Variants in TSHZ3 observed in about 807,000 individuals in gnomAD.
TSHZ3 encodes the protein teashirt homolog 3.
TSHZ3 carries 10 observed loss-of-function variants against 64.5 expected under a neutral mutation model. That is an observed-to-expected ratio of 0.16 (90% CI 0.10 to 0.26). The LOEUF (loss-of-function observed/expected upper bound fraction) is 0.26, where lower values mean the gene tolerates loss of function less well. TSHZ3 is among the 10% of genes least tolerant of loss of function. TSHZ3 has a pLI of 1.00. For synonymous variants in TSHZ3, 608 were observed against 593.1 expected (o/e 1.03, Z -0.36); for missense variants, 1,242 against 1,421.7 (o/e 0.87, Z 2.03).
chr19:31,319,441 A>G (rs1237128790), intron 1 of TSHZ3, among the ~76,000 whole-genome samples: 1 of 152,228 alleles, frequency 6.6e-6, no homozygotes, highest in Non-Finnish European at 1.5e-5. Context: ...TGAGACACAA[A>G]CAATTAAGCC....
rs1309648251 is a variant in TSHZ3 at position 31,349,316 on chromosome 19, G to A, written c.-97C>T. 4.7e-6 allele frequency: 6 copies of A among 1,276,288 alleles called. No individual in the cohort carries two copies. Among genetic ancestry groups the A allele is most frequent in the Non-Finnish European group, 6.2e-6 (6 of 967,934 alleles). 79.1% of individuals were successfully genotyped at this position (1,276,288 alleles called of 1,614,324 possible). On this transcript the variant is annotated 5_prime_UTR_variant, in exon 1 of 2. Coordinates refer to ENST00000240587, the MANE Select transcript of TSHZ3 (RefSeq NM_020856.4). ...GGCGGGCCCGCGGGGGGGCGAGGCGGGCCTGCTCTCAGCCTCCCCCCCGGA... is the reference window on the plus strand; with the variant it reads ...GGCGGGCCCGCGGGGGGGCGAGGCGAGCCTGCTCTCAGCCTCCCCCCCGGA...
intron 1 of TSHZ3, among the ~76,000 whole-genome samples, chr19:31,339,334 A>G (rs930883881): frequency 6.6e-6 from 1 of 152,058 alleles, no homozygotes; most frequent in African/African-American, 2.4e-5. Context: ...GAATGAGCAT[A>G]ACCTCTCCCG....
At chr19:31,183,885 T>C (rs897446070) in intron 5 of TSHZ3, among the ~76,000 whole-genome samples, 8 of 152,228 alleles carry the variant, frequency 5.3e-5, no homozygotes, top group Non-Finnish European at 1.2e-4. Context: ...AGTCATTTTT[T>C]TGAGCACTAA....
chr19:31,225,575 C>G (rs1975448119), intron 4 of TSHZ3, among the ~76,000 whole-genome samples: 2 of 152,198 alleles, frequency 1.3e-5, no homozygotes, highest in Admixed American at 1.3e-4. Context: ...GCATCTCTTT[C>G]TTGCATGACA....
At chr19:31,326,110 A>T (rs905774757) in intron 1 of TSHZ3, among the ~76,000 whole-genome samples, 9 of 152,268 alleles carry the variant, frequency 5.9e-5, no homozygotes, top group African/African-American at 1.4e-4. Flanking sequence ...TATCCAAAGT[A>T]TATTCTTAGA....
chr19:31,277,216 C>T lies in TSHZ3; in HGVS notation c.2577G>A (p.Thr859=), dbSNP rs147790864. The T allele has an allele frequency of 3.2e-3, 5,168 of 1,614,174 alleles. 78 individuals are homozygous for T. Among genetic ancestry groups the T allele is most frequent in the South Asian group, 8.7e-3 (789 of 91,070 alleles). ...DMLKNLTESH[T]SKSSTPSSIS... is the part of the protein sequence containing the mutation. ...TGCTGGAAGGAGTGGAGGATTTTGA[C>T]GTGTGGCTCTCTGTCAAGTTCTTCA... Residue 859 remains threonine, a synonymous_variant, in exon 2 of 2, where the codon ACG becomes ACA. Coordinates refer to ENST00000240587, the MANE Select transcript of TSHZ3 (RefSeq NM_020856.4). This position sits in a 1 kb window ranked among gnomAD's most constrained non-coding sequence, Gnocchi z 4.5.
At chr19:31,220,743 C>T (rs1046322654) in intron 4 of TSHZ3, among the ~76,000 whole-genome samples, 1 of 152,090 alleles carries the variant, frequency 6.6e-6, no homozygotes, top group Non-Finnish European at 1.5e-5. Flanking sequence ...TTTTCCTTTC[C>T]TCTGGCTAAC....
At chr19:31,270,375 C>G (rs1451180692), downstream of TSHZ3, among the ~76,000 whole-genome samples, 1 of 152,198 alleles carries the variant, frequency 6.6e-6, no homozygotes, top group African/African-American at 2.4e-5. Flanking sequence ...TTTGAGACAT[C>G]ACAATCTGCA....
intron 1 of TSHZ3, among the ~76,000 whole-genome samples, chr19:31,334,063 A>G (rs1284111882): frequency 1.4e-4 from 21 of 152,166 alleles, no homozygotes; most frequent in Admixed American, 1.3e-3. Context: ...TCTAAGAACC[A>G]AGAACATGCT....
chr19:31,225,498 C>T (rs1975447036), intron 4 of TSHZ3, among the ~76,000 whole-genome samples: 1 of 152,200 alleles, frequency 6.6e-6, no homozygotes, highest in East Asian at 1.9e-4. Context: ...CCTCAAACCC[C>T]AATCTTGGCA....
At chr19:31,298,741 A>C (rs1280846972) in intron 1 of TSHZ3, among the ~76,000 whole-genome samples, 1 of 152,266 alleles carries the variant, frequency 6.6e-6, no homozygotes, top group Middle Eastern at 3.4e-3. Flanking sequence ...TTAGAGAGAC[A>C]GAGAATAGGG....
chr19:31,187,004 A>G (rs1328750023), intron 5 of TSHZ3, among the ~76,000 whole-genome samples: 3 of 151,860 alleles, frequency 2.0e-5, no homozygotes, highest in Non-Finnish European at 4.4e-5. Context: ...TTGCCAACTA[A>G]TATATTTTAT....
intron 1 of TSHZ3, among the ~76,000 whole-genome samples, chr19:31,263,531 G>A (rs1976010535): frequency 6.6e-6 from 1 of 152,234 alleles, no homozygotes; most frequent in South Asian, 2.1e-4. Context: ...CTGCTGGTCA[G>A]GGCAAGACGT....
chr19:31,312,574 T>C (rs1049208220), intron 1 of TSHZ3, among the ~76,000 whole-genome samples: 7 of 152,210 alleles, frequency 4.6e-5, no homozygotes, highest in African/African-American at 1.7e-4. Flanking sequence ...ACAGAAACAG[T>C]TATTAACCCT....
intron 1 of TSHZ3, among the ~76,000 whole-genome samples, chr19:31,336,218 T>C (rs1157694021): frequency 1.3e-5 from 2 of 152,206 alleles, no homozygotes; most frequent in Non-Finnish European, 1.5e-5. Flanking sequence ...TTTTAATACA[T>C]TTTCCAATTC....
intron 5 of TSHZ3, among the ~76,000 whole-genome samples, chr19:31,167,265 C>A (rs1315203768): frequency 1.3e-5 from 2 of 152,202 alleles, no homozygotes; most frequent in Non-Finnish European, 2.9e-5. Context: ...ATTTACTGAT[C>A]TGCTTAATGA....
chr19:31,239,622 G>A (rs376788100), intron 3 of TSHZ3, among the ~76,000 whole-genome samples: 9 of 151,186 alleles, frequency 6.0e-5, no homozygotes, highest in Admixed American at 6.6e-5. Flanking sequence ...GTACTGTTCT[G>A]TCAGACTAAA....
At chr19:31,248,175 C>A (rs565082250) in intron 1 of TSHZ3, among the ~76,000 whole-genome samples, 2 of 152,122 alleles carry the variant, frequency 1.3e-5, no homozygotes, top group East Asian at 3.9e-4. Flanking sequence ...GTCCTGCCTG[C>A]AACACATGGG....
intron 1 of TSHZ3, among the ~76,000 whole-genome samples, chr19:31,307,274 T>G (rs1289071545): frequency 6.7e-6 from 1 of 149,432 alleles, no homozygotes; most frequent in Non-Finnish European, 1.5e-5. Flanking sequence ...AGTGCCATTG[T>G]ACCCCTTCAT....
Sources: gnomAD v4.1 joint callset for allele counts (sites outside exome capture counted in the v4.1 genomes callset) on GRCh38, gnomAD v4.1.1 for gene constraint, Gnocchi (gnomAD v3.1) non-coding constraint, MANE v1.5 for transcripts, NCBI Gene and HGNC (gene_info 2026-07-23, HGNC 2026-07-21) for gene names.